The following EDNRB variants were observed in gnomAD, a reference collection of about 807,000 sequenced individuals.
EDNRB encodes endothelin receptor type B, also known as Hirschsprung disease 2.
A neutral mutation model predicts 46.4 loss-of-function variants in EDNRB; 18 were observed. The ratio of observed to expected loss-of-function variants is 0.39; its 90% CI spans 0.27 to 0.57. The LOEUF is 0.57. Among genes scored for constraint, EDNRB ranks in the 20% least tolerant of loss-of-function variants. The probability of loss-of-function intolerance (pLI) is 0.61; values close to 1 mark genes in which losing one functional copy is unlikely to be tolerated. For synonymous variants in EDNRB, 213 were observed against 204.9 expected (o/e 1.04, Z -0.34); for missense variants, 434 against 537.5 (o/e 0.81, Z 1.90).
rs866808412 is a variant in EDNRB at position 77,900,597 on chromosome 13, G to A, written c.1009C>T (p.Leu337Phe). ...CLVLVFALCW[L>F]PLHLSRILKL... is the part of the protein sequence containing the mutation. ...AGAATCCTGCTGAGGTGAAGGGGAA[G>A]CCAGCAGAGGGCAAAGACAAGGACC... The change falls in exon 5 of 7, where the codon CTT (leucine) becomes TTT (phenylalanine). Residue 337 changes from leucine (L) to phenylalanine (F), a missense_variant. Coordinates refer to ENST00000646607, the MANE Select transcript of EDNRB (RefSeq NM_001122659.3). The A allele has an allele frequency of 1.2e-5, 19 of 1,612,652 alleles. 1 individual carries two copies. The Middle Eastern group carries it at 3.0e-3, about 253-fold the overall frequency.
chr13:77,934,691 G>GC lies in EDNRB; in HGVS notation c.-51-16068dup, dbSNP rs1258993185. On this transcript the variant is annotated intron_variant, in intron 1 of 7. Coordinates refer to the EDNRB transcript ENST00000646948. Reference sequence around the variant, plus strand: ...TGATGTGTAGGAAAGGGGGGGGGGGGCCTGAATAGTCCCTGAGGAGTAGCA... The same window carrying GC: ...TGATGTGTAGGAAAGGGGGGGGGGGGCCCTGAATAGTCCCTGAGGAGTAGCA... Among the ~76,000 whole-genome samples the GC allele has an allele frequency of 3.6e-5, 5 of 137,204 alleles. No homozygotes were observed. The East Asian group carries it at 1.2e-3, about 34-fold the overall frequency. 90.0% of individuals were successfully genotyped at this position (137,204 alleles called of 152,430 possible).
intron 1 of EDNRB, among the ~76,000 whole-genome samples, chr13:77,906,929 G>T (rs1879310174): frequency 6.6e-6 from 1 of 151,972 alleles, no homozygotes. Flanking sequence ...GAACCCAGAT[G>T]GTCTAGAGCC....
In EDNRB at chr13:77,918,229, C is replaced by T. The variant is rs1193153120; in HGVS notation, c.345G>A (p.Gly115=). 3.1e-6 allele frequency: 5 copies of T among 1,614,114 alleles called. No homozygotes were observed. The highest frequency in any genetic ancestry group is 3.3e-5 in the Admixed American group (2 of 60,022). Residue 115 remains glycine, a synonymous_variant, in exon 1 of 7, where the codon GGG becomes GGA. Coordinates refer to ENST00000646607, the MANE Select transcript of EDNRB (RefSeq NM_001122659.3). This position sits in a 1 kb window ranked among gnomAD's most constrained non-coding sequence, Gnocchi z 4.5. ...TVVSCLVFVL[G]IIGNSTLLRI... ...TCAGAAGTGTGGAGTTCCCGATGAT[C>T]CCCAGCACGAACACAAGGCAGGACA...
At chr13:77,966,459 A>G (rs1364573303) in intron 1 of EDNRB, among the ~76,000 whole-genome samples, 1 of 152,184 alleles carries the variant, frequency 6.6e-6, no homozygotes, top group Non-Finnish European at 1.5e-5. Context: ...CACACAATAA[A>G]TCCTAAATAA....
chr13:77,914,264 AG>A (rs1339295592), intron 1 of EDNRB, among the ~76,000 whole-genome samples: 1 of 152,328 alleles, frequency 6.6e-6, no homozygotes, highest in African/African-American at 2.4e-5. Flanking sequence ...TCACGACAAA[AG>A]CTGGAAAACA....
intron 1 of EDNRB, among the ~76,000 whole-genome samples, chr13:77,952,041 T>A (rs182843605): frequency 6.6e-6 from 1 of 152,314 alleles, no homozygotes; most frequent in East Asian, 1.9e-4. Context: ...AATCCCTTCA[T>A]GGTCACCAGA....
intron 1 of EDNRB, among the ~76,000 whole-genome samples, chr13:77,962,001 C>T (rs1187515411): frequency 4.6e-5 from 7 of 152,118 alleles, no homozygotes; most frequent in African/African-American, 1.4e-4. Flanking sequence ...ACTATAAACA[C>T]CTCTACGCAA....
At chr13:77,959,327 C>T (rs1006054310) in intron 1 of EDNRB, among the ~76,000 whole-genome samples, 6 of 152,194 alleles carry the variant, frequency 3.9e-5, no homozygotes, top group African/African-American at 1.2e-4. Context: ...TGGCCAGGTT[C>T]CCCTCTGAGA....
Position 77,896,468 on chromosome 13 carries a change from G to A in EDNRB, c.*1732C>T. The A allele has an allele frequency of 6.4e-7, 1 of 1,574,776 alleles. No homozygotes were observed. Among genetic ancestry groups the A allele is most frequent in the Non-Finnish European group, 8.6e-7 (1 of 1,158,286 alleles). The stretch of plus-strand genomic sequence containing the variant: ...TAATTATTATTGCTCTTTCTTTCTG[G>A]CCACATTGTTGGGTTTTGGTTTACT... On this transcript the variant is annotated 3_prime_UTR_variant, in exon 7 of 7. Transcript: ENST00000646607.
chr13:77,949,613 G>T (rs1201936946), intron 1 of EDNRB, among the ~76,000 whole-genome samples: 1 of 152,112 alleles, frequency 6.6e-6, no homozygotes, highest in Non-Finnish European at 1.5e-5. Context: ...GGAAACCAAG[G>T]TATCTAAGTC....
At chr13:77,935,691 G>A (rs1196625120) in intron 1 of EDNRB, among the ~76,000 whole-genome samples, 2 of 152,212 alleles carry the variant, frequency 1.3e-5, no homozygotes, top group East Asian at 3.9e-4. Context: ...TGTCTGTGAA[G>A]CCTTGCGGCA....
At chr13:77,901,625 C>T (rs1412611382) in intron 3 of EDNRB, among the ~76,000 whole-genome samples, 2 of 151,964 alleles carry the variant, frequency 1.3e-5, no homozygotes, top group African/African-American at 2.4e-5. Context: ...ATGGGAACAA[C>T]AGATACGAAA....
At chr13:77,959,577 C>T (rs1881341759) in intron 1 of EDNRB, among the ~76,000 whole-genome samples, 1 of 152,140 alleles carries the variant, frequency 6.6e-6, no homozygotes, top group African/African-American at 2.4e-5. Flanking sequence ...TAGATAAAAC[C>T]ACAAAGATGA....
At chr13:77,957,994 T>A (rs1159343320) in intron 1 of EDNRB, among the ~76,000 whole-genome samples, 1 of 152,214 alleles carries the variant, frequency 6.6e-6, no homozygotes, top group Non-Finnish European at 1.5e-5. Context: ...GTTGAGTGAT[T>A]AATTTTTGCA....
chr13:77,953,278 G>A (rs1881144276), intron 1 of EDNRB, among the ~76,000 whole-genome samples: 1 of 151,694 alleles, frequency 6.6e-6, no homozygotes, highest in Non-Finnish European at 1.5e-5. Context: ...TATTAAGTTG[G>A]TCCAATTAAA....
rs1456402302 is a variant in EDNRB at position 77,896,656 on chromosome 13, G to T, written c.*1544C>A. On this transcript the variant is annotated 3_prime_UTR_variant, in exon 7 of 7. Transcript: ENST00000646607. ...TTTCGAAAGTCACTCTGAGAACATT[G>T]CACTGTGTTTTGCTGGAACAAAATC... is the stretch of plus-strand genomic sequence containing the variant. 3.4e-6 allele frequency: 5 copies of T among 1,489,280 alleles called. No individual in the cohort carries two copies. The highest frequency in any genetic ancestry group is 1.4e-5 in the African/African-American group (1 of 70,242). 92.3% of individuals were successfully genotyped at this position (1,489,280 alleles called of 1,614,324 possible).
intron 1 of EDNRB, among the ~76,000 whole-genome samples, chr13:77,910,049 A>G (rs752152843): frequency 5.1e-4 from 78 of 151,996 alleles, no homozygotes; most frequent in Non-Finnish European, 1.9e-4. Context: ...CTGATACAAA[A>G]CAGAACCTAC....
At chr13:77,933,216 CAG>C (rs1436681369) in intron 1 of EDNRB, among the ~76,000 whole-genome samples, 2 of 152,156 alleles carry the variant, frequency 1.3e-5, no homozygotes, top group African/African-American at 4.8e-5. Context: ...TTCTGGTGAG[CAG>C]AGTTTCATGC....
In EDNRB at chr13:77,898,337, G is replaced by C. The variant is rs760481004; in HGVS notation, c.1195-3C>G. On this transcript the variant is annotated splice_polypyrimidine_tract_variant and splice_region_variant and intron_variant, in intron 6 of 6. Coordinates refer to ENST00000646607, the MANE Select transcript of EDNRB (RefSeq NM_001122659.3). ...TGGCACCAGCAGCATAAGCATGACTGTACAAAACAAAGTAACTCATTATAT... is the reference window on the plus strand; with the variant it reads ...TGGCACCAGCAGCATAAGCATGACTCTACAAAACAAAGTAACTCATTATAT... The C allele has an allele frequency of 6.2e-7, 1 of 1,611,488 alleles. No homozygotes were observed.
Sources: allele counts gnomAD v4.1 joint callset (sites outside exome capture counted in the v4.1 genomes callset), GRCh38; gene constraint gnomAD v4.1.1; non-coding constraint Gnocchi (gnomAD v3.1); transcripts MANE v1.5; gene names NCBI Gene and HGNC (gene_info 2026-07-23, HGNC 2026-07-21).